Variants in PRR16 observed in about 807,000 individuals in gnomAD.
The protein encoded by PRR16 is proline rich 16.
In PRR16, 6 loss-of-function variants were observed where a neutral mutation model predicts 18.2. That is an observed-to-expected ratio of 0.33 (90% CI 0.18 to 0.65). The LOEUF (loss-of-function observed/expected upper bound fraction) is 0.65, where lower values mean the gene tolerates loss of function less well. Ranked by LOEUF, PRR16 falls within the 30% of genes least tolerant of loss-of-function variation. The pLI is 0.74. For synonymous variants in PRR16, 151 were observed against 147.8 expected, an observed-to-expected ratio of 1.02 and a Z score of -0.16; for missense variants, 412 against 376.6, an observed-to-expected ratio of 1.09 and a Z score of -0.78.
At chr5:120,728,794 C>G in the PRR16 span, among the ~76,000 whole-genome samples, 1 of 152,184 alleles carries the variant, frequency 6.6e-6, no homozygotes, top group African/African-American at 2.4e-5. Flanking sequence ...ATAGCAGCCA[C>G]ATATTACTTT....
At chr5:120,676,413 G>C (rs778119054) in intron 1 of PRR16, among the ~76,000 whole-genome samples, 1 of 151,916 alleles carries the variant, frequency 6.6e-6, no homozygotes, top group Non-Finnish European at 1.5e-5. Flanking sequence ...CATGAAAATG[G>C]AGCACACCCC....
the PRR16 span, among the ~76,000 whole-genome samples, chr5:120,753,953 A>AAG: frequency 1.0e-4 from 12 of 119,618 alleles, no homozygotes; most frequent in Non-Finnish European, 1.5e-4. Context: ...TATGTTATAT[A>AAG]TTATATATAA....
At chr5:120,761,855 T>C in the PRR16 span, among the ~76,000 whole-genome samples, 3 of 152,114 alleles carry the variant, frequency 2.0e-5, no homozygotes, top group Non-Finnish European at 4.4e-5. Flanking sequence ...TACCAACCTC[T>C]CTTCATTTAC....
At chr5:120,503,929 G>A (rs1010659824) in intron 1 of PRR16, among the ~76,000 whole-genome samples, 25 of 152,050 alleles carry the variant, frequency 1.6e-4, no homozygotes, top group African/African-American at 6.0e-4. Flanking sequence ...TGAGAATCAT[G>A]ATTTCCAATT....
At chr5:120,579,652 T>C (rs1753200213) in intron 1 of PRR16, among the ~76,000 whole-genome samples, 1 of 152,228 alleles carries the variant, frequency 6.6e-6, no homozygotes, top group Admixed American at 6.5e-5. Context: ...GCCTGTAATA[T>C]AGTTTAAAGT....
chr5:120,492,955 G>C (rs150037438), intron 1 of PRR16, among the ~76,000 whole-genome samples: 3 of 152,056 alleles, frequency 2.0e-5, no homozygotes, highest in African/African-American at 2.4e-5. Flanking sequence ...TAATCCACTT[G>C]TTGGCCGATG....
intron 1 of PRR16, among the ~76,000 whole-genome samples, chr5:120,619,485 A>G (rs1687098443): frequency 6.6e-6 from 1 of 152,126 alleles, no homozygotes; most frequent in African/African-American, 2.4e-5. Context: ...TAATGTTACT[A>G]TTGATTTCAA....
the PRR16 span, chr5:120,781,215 CAG>C: frequency 1.3e-5 from 2 of 151,982 alleles, no homozygotes; most frequent in African/African-American, 4.8e-5. Flanking sequence ...TCCGCTTTCT[CAG>C]ATTCATGGCT....
chr5:120,656,248 T>C (rs1299437002), intron 1 of PRR16, among the ~76,000 whole-genome samples: 1 of 151,932 alleles, frequency 6.6e-6, no homozygotes, highest in Non-Finnish European at 1.5e-5. Flanking sequence ...CAGGCAATCA[T>C]GGAAGAAGTC....
intron 1 of PRR16, among the ~76,000 whole-genome samples, chr5:120,623,030 G>A (rs149419715): frequency 7.6e-4 from 116 of 152,068 alleles, no homozygotes; most frequent in African/African-American, 2.5e-3. Context: ...TCACAAAAAC[G>A]AAAGGTAATA....
At chr5:120,752,404 T>A in the PRR16 span, among the ~76,000 whole-genome samples, 1 of 151,914 alleles carries the variant, frequency 6.6e-6, no homozygotes, top group Non-Finnish European at 1.5e-5. Flanking sequence ...CTTCATAACC[T>A]GTTTATTGTT....
At chr5:120,523,860 A>T (rs897608339) in intron 1 of PRR16, among the ~76,000 whole-genome samples, 3 of 152,180 alleles carry the variant, frequency 2.0e-5, no homozygotes, top group African/African-American at 7.2e-5. Context: ...ACTCTAATAA[A>T]AGTGGGGCAA....
the PRR16 span, among the ~76,000 whole-genome samples, chr5:120,699,374 A>G: frequency 6.6e-5 from 10 of 152,168 alleles, no homozygotes; most frequent in Admixed American, 5.2e-4. Context: ...GGAACAGGAA[A>G]GAAGGAAATT....
chr5:120,624,256 G>A (rs1357846278), intron 1 of PRR16, among the ~76,000 whole-genome samples: 2 of 152,038 alleles, frequency 1.3e-5, no homozygotes, highest in Admixed American at 6.6e-5. Context: ...CATATAAAAT[G>A]GATAACAGGA....
chr5:120,776,181 C>G, the PRR16 span, among the ~76,000 whole-genome samples: 93 of 152,226 alleles, frequency 6.1e-4, no homozygotes, highest in African/African-American at 2.1e-3. Flanking sequence ...TCTGTTCCTA[C>G]TTTGCCTCAG....
chr5:120,657,232 G>A lies in PRR16; in HGVS notation c.160-28722G>A, dbSNP rs556556605. Among the ~76,000 whole-genome samples, 12 of 151,998 alleles carry A rather than the reference G, an allele frequency of 7.9e-5. No homozygotes were observed. In the East Asian group the frequency reaches 2.3e-3, roughly 29 times the overall value. ...GAGACAAACAATTAGCATGCCTCTT[G>A]CCAGCCCAGGTTTTAAACCAATTGA... On this transcript the variant is annotated intron_variant, in intron 1 of 1. Coordinates refer to ENST00000407149, the MANE Select transcript of PRR16 (RefSeq NM_001300783.2).
At chr5:120,758,195 T>C in the PRR16 span, among the ~76,000 whole-genome samples, 1 of 152,158 alleles carries the variant, frequency 6.6e-6, no homozygotes, top group Admixed American at 6.6e-5. Flanking sequence ...AAATAGTTTA[T>C]ATTTATTATG....
the PRR16 span, among the ~76,000 whole-genome samples, chr5:120,694,051 C>G: frequency 1.3e-5 from 2 of 152,184 alleles, no homozygotes; most frequent in African/African-American, 4.8e-5. Context: ...AGGACACCAC[C>G]TGCCAACATG....
the PRR16 span, among the ~76,000 whole-genome samples, chr5:120,793,792 TAAC>T: frequency 2.0e-5 from 3 of 152,198 alleles, no homozygotes; most frequent in African/African-American, 7.2e-5. Flanking sequence ...ATTATTGTTC[TAAC>T]ATCATATAAT....
Sources: gnomAD v4.1 joint callset for allele counts (sites outside exome capture counted in the v4.1 genomes callset) on GRCh38, gnomAD v4.1.1 for gene constraint, MANE v1.5 for transcripts, NCBI Gene and HGNC (gene_info 2026-07-23, HGNC 2026-07-21) for gene names.